Variants in MLIP observed in about 807,000 individuals in gnomAD.
MLIP encodes the protein muscular LMNA-interacting protein.
A neutral mutation model predicts 84.8 loss-of-function variants in MLIP; 79 were observed. That is an observed-to-expected ratio of 0.93 (90% CI 0.78 to 1.12). The LOEUF is 1.12. Among genes scored for constraint, MLIP ranks in the 50% most tolerant of loss-of-function variants. MLIP has a pLI of 0.00. For synonymous variants in MLIP, 504 were observed against 463.0 expected (o/e 1.09, Z -1.14); for missense variants, 1,257 against 1,160.6 (o/e 1.08, Z -1.21).
intron 3 of MLIP, among the ~76,000 whole-genome samples, chr6:54,125,206 G>T (rs1384941212): frequency 3.3e-5 from 5 of 152,150 alleles, no homozygotes; most frequent in Admixed American, 2.0e-4. Flanking sequence ...GAGTGTGCTT[G>T]GTGAGCTGGG....
At chr6:54,205,797 A>G (rs1306683677) in intron 11 of MLIP, among the ~76,000 whole-genome samples, 1 of 152,200 alleles carries the variant, frequency 6.6e-6, no homozygotes, top group Non-Finnish European at 1.5e-5. Flanking sequence ...AACCTTCAAA[A>G]TGAAGATTAT....
intron 1 of MLIP, among the ~76,000 whole-genome samples, chr6:54,029,644 T>C (rs1414743847): frequency 2.6e-5 from 4 of 152,156 alleles, no homozygotes; most frequent in Non-Finnish European, 5.9e-5. Context: ...TTTTTTTCTG[T>C]TCAGGGTATC....
At chr6:54,149,405 CT>C (rs989366500) in intron 5 of MLIP, among the ~76,000 whole-genome samples, 1 of 152,046 alleles carries the variant, frequency 6.6e-6, no homozygotes, top group Non-Finnish European at 1.5e-5. Flanking sequence ...GATCTCCGTT[CT>C]TTGGAATTTT....
intron 8 of MLIP, among the ~76,000 whole-genome samples, chr6:54,169,114 T>C (rs1277838771): frequency 6.6e-6 from 1 of 151,668 alleles, no homozygotes; most frequent in African/African-American, 2.4e-5. Context: ...TGACAGTTTC[T>C]GTTTTACTGG....
intron 9 of MLIP, among the ~76,000 whole-genome samples, chr6:54,180,504 A>C (rs1197283772): frequency 1.3e-5 from 2 of 152,138 alleles, no homozygotes; most frequent in African/African-American, 2.4e-5. Flanking sequence ...TAAATATGGA[A>C]GGTGTGCTTC....
chr6:54,264,699 AT>A (rs1225637797), intron 13 of MLIP, among the ~76,000 whole-genome samples: 10 of 152,192 alleles, frequency 6.6e-5, no homozygotes, highest in Non-Finnish European at 1.5e-4. Context: ...AATAATGGTA[AT>A]TTTTATTTGT....
chr6:54,194,886 C>A (rs2150692134), intron 10 of MLIP, among the ~76,000 whole-genome samples: 1 of 151,376 alleles, frequency 6.6e-6, no homozygotes. Context: ...TTACCCTATG[C>A]CATAGTGTTT....
At chr6:54,131,855 C>A (rs938061523) in intron 3 of MLIP, among the ~76,000 whole-genome samples, 1 of 152,096 alleles carries the variant, frequency 6.6e-6, no homozygotes, top group Non-Finnish European at 1.5e-5. Context: ...CTGTTTTCAG[C>A]TAGGTGGTTC....
intron 1 of MLIP, among the ~76,000 whole-genome samples, chr6:54,084,595 G>T (rs1197412283): frequency 6.6e-6 from 1 of 152,104 alleles, no homozygotes; most frequent in Non-Finnish European, 1.5e-5. Context: ...TACAATAGCT[G>T]GGAACCTTTT....
At position 54,124,721 on chromosome 6, in the gene MLIP, C is replaced by A. The variant is rs746829040; in HGVS notation, c.501C>A (p.Thr167=). 6.2e-6 allele frequency: 10 copies of A among 1,614,182 alleles called. No individual in the cohort carries two copies. Among genetic ancestry groups the A allele is most frequent in the Non-Finnish European group, 7.6e-6 (9 of 1,180,036 alleles). Residue 167 remains threonine (T), a synonymous_variant, in exon 3 of 14, where the codon ACC becomes ACA. Coordinates refer to ENST00000502396, the MANE Select transcript of MLIP (RefSeq NM_001281747.2). ...AAGGCCCCCCAGGGGGGATTGGCAC[C>A]GCAGCTGTCCGGCCCAAGTCTCTAG... ...VEQGPPGGIG[T]AAVRPKSLAI... is the part of the protein sequence containing the mutation.
chr6:54,219,278 A>G (rs1365947444), intron 11 of MLIP, among the ~76,000 whole-genome samples: 6 of 151,436 alleles, frequency 4.0e-5, no homozygotes, highest in Admixed American at 3.9e-4. Flanking sequence ...AGCTGTACAA[A>G]AATATTTTTT....
At chr6:54,141,936 A>G (rs1049947072) in intron 4 of MLIP, among the ~76,000 whole-genome samples, 4 of 152,184 alleles carry the variant, frequency 2.6e-5, no homozygotes, top group Non-Finnish European at 5.9e-5. Flanking sequence ...GTTGAGAGCT[A>G]TTTTATATTT....
In MLIP at chr6:54,217,189, C is replaced by A. The variant is rs957857063; in HGVS notation, c.2719-13525C>A. 1.8e-5 allele frequency: 18 copies of A among 985,150 alleles called. No individual in the cohort carries two copies. The East Asian group carries it at 5.7e-4, about 31-fold the overall frequency. The allele number at this position is 985,150 out of a possible 1,614,324, so 61.0% of individuals were successfully genotyped here. On this transcript the variant is annotated intron_variant, in intron 11 of 13. Coordinates refer to ENST00000502396, the MANE Select transcript of MLIP (RefSeq NM_001281747.2). ...GGTGTCTTGTACTCAGACAGAAAAC[C>A]GCAGCGTGAAGAGGGGACAGCATGA...
At chr6:54,194,215 C>T (rs1036606212) in intron 10 of MLIP, among the ~76,000 whole-genome samples, 1 of 151,932 alleles carries the variant, frequency 6.6e-6, no homozygotes, top group African/African-American at 2.4e-5. Context: ...GTGCATGACT[C>T]ATCTTTCTGA....
intron 12 of MLIP, among the ~76,000 whole-genome samples, chr6:54,236,590 G>A (rs1354091092): frequency 4.0e-5 from 5 of 126,486 alleles, no homozygotes; most frequent in Middle Eastern, 3.6e-3. Flanking sequence ...CAATAAGAGC[G>A]AAACTCAGTC....
intron 4 of MLIP, among the ~76,000 whole-genome samples, chr6:54,147,294 T>C (rs891179681): frequency 6.6e-6 from 1 of 152,196 alleles, no homozygotes; most frequent in African/African-American, 2.4e-5. Flanking sequence ...TCTTAATAAC[T>C]GTCTAGTTAT....
chr6:54,237,546 G>C (rs780019353), intron 12 of MLIP, among the ~76,000 whole-genome samples: 1 of 152,084 alleles, frequency 6.6e-6, no homozygotes, highest in African/African-American at 2.4e-5. Context: ...GGCTCCTGCA[G>C]ATCAAAACTT....
intron 1 of MLIP, among the ~76,000 whole-genome samples, chr6:54,055,224 A>C (rs17631709): frequency 6.6e-6 from 1 of 151,952 alleles, no homozygotes; most frequent in African/African-American, 2.4e-5. Flanking sequence ...TCCTGAGTAC[A>C]CTTTTTCCTT....
chr6:54,234,167 A>T (rs1257750894), intron 12 of MLIP, among the ~76,000 whole-genome samples: 2 of 152,132 alleles, frequency 1.3e-5, no homozygotes, highest in Non-Finnish European at 2.9e-5. Flanking sequence ...GCAGGTTAAG[A>T]GGATGATGCC....
Sources: allele counts gnomAD v4.1 joint callset (sites outside exome capture counted in the v4.1 genomes callset), GRCh38; gene constraint gnomAD v4.1.1; transcripts MANE v1.5; gene names NCBI Gene and HGNC (gene_info 2026-07-23, HGNC 2026-07-21).